Variants in CLYBL observed in about 807,000 individuals in gnomAD.
CLYBL encodes citramalyl-CoA lyase.
In CLYBL, 31 loss-of-function variants were observed where a neutral mutation model predicts 38.9. The ratio of observed to expected loss-of-function variants is 0.80; its 90% CI spans 0.60 to 1.08. The LOEUF (loss-of-function observed/expected upper bound fraction) is 1.08. Among genes scored for constraint, CLYBL ranks in the 50% least tolerant of loss-of-function variants. The pLI, the probability that CLYBL is intolerant of heterozygous loss-of-function variation, is 0.00. For synonymous variants in CLYBL, 171 were observed against 158.6 expected, an observed-to-expected ratio of 1.08 and a Z score of -0.59; for missense variants, 434 against 411.6, an observed-to-expected ratio of 1.05 and a Z score of -0.47.
At chr13:99,649,953 C>CA (rs1222385043) in intron 1 of CLYBL, among the ~76,000 whole-genome samples, 1 of 151,542 alleles carries the variant, frequency 6.6e-6, no homozygotes, top group Non-Finnish European at 1.5e-5. Flanking sequence ...CTCATCCCTA[C>CA]AAAAAATTTT....
At chr13:99,706,283 G>T (rs914399686) in intron 1 of CLYBL, among the ~76,000 whole-genome samples, 5 of 152,138 alleles carry the variant, frequency 3.3e-5, no homozygotes, top group Admixed American at 1.3e-4. Context: ...CACTGGGAAG[G>T]ATATAAAATG....
intron 1 of CLYBL, among the ~76,000 whole-genome samples, chr13:99,772,535 A>G (rs970247118): frequency 6.6e-6 from 1 of 151,984 alleles, no homozygotes; most frequent in Non-Finnish European, 1.5e-5. Context: ...CATCTCTACA[A>G]AAAATACAAA....
At chr13:99,800,488 A>G (rs1462554410) in intron 2 of CLYBL, among the ~76,000 whole-genome samples, 1 of 152,154 alleles carries the variant, frequency 6.6e-6, no homozygotes, top group Non-Finnish European at 1.5e-5. Context: ...TGTCCTGAGG[A>G]TACTGCTTGG....
intron 1 of CLYBL, among the ~76,000 whole-genome samples, chr13:99,662,970 A>G (rs117011173): frequency 6.6e-6 from 1 of 152,194 alleles, no homozygotes; most frequent in East Asian, 1.9e-4. Context: ...ATCTCAGGCT[A>G]GATGCAGGAC....
chr13:99,806,235 T>A (rs1445548192), intron 2 of CLYBL, among the ~76,000 whole-genome samples: 2 of 152,220 alleles, frequency 1.3e-5, no homozygotes, highest in African/African-American at 4.8e-5. Context: ...CAAAAGTGAT[T>A]TTTTGAAGAT....
At chr13:99,800,443 T>C (rs1457514126) in intron 2 of CLYBL, among the ~76,000 whole-genome samples, 1 of 152,196 alleles carries the variant, frequency 6.6e-6, no homozygotes, top group Non-Finnish European at 1.5e-5. Flanking sequence ...TGAAGCCACC[T>C]ACAGAAATCA....
intron 2 of CLYBL, among the ~76,000 whole-genome samples, chr13:99,855,635 C>T (rs1390283174): frequency 6.6e-6 from 1 of 151,242 alleles, no homozygotes; most frequent in African/African-American, 2.4e-5. Context: ...GAATTTCTTT[C>T]TTTTCACAAC....
intron 1 of CLYBL, among the ~76,000 whole-genome samples, chr13:99,743,008 C>T (rs2048782807): frequency 1.3e-5 from 2 of 151,408 alleles, no homozygotes; most frequent in Non-Finnish European, 2.9e-5. Flanking sequence ...AAGAGGGTAG[C>T]GGGCTTTTTG....
chr13:99,759,091 C>A (rs1012918408), intron 1 of CLYBL, among the ~76,000 whole-genome samples: 5 of 152,194 alleles, frequency 3.3e-5, no homozygotes, highest in Non-Finnish European at 7.3e-5. Context: ...CACTAAGGGG[C>A]ACCTTTTTCC....
chr13:99,707,761 T>C (rs1166565159), intron 1 of CLYBL, among the ~76,000 whole-genome samples: 1 of 152,212 alleles, frequency 6.6e-6, no homozygotes, highest in Non-Finnish European at 1.5e-5. Flanking sequence ...TTGCCCATAT[T>C]ATGCTTTTCC....
chr13:99,796,371 C>G (rs1344032417), intron 2 of CLYBL, among the ~76,000 whole-genome samples: 1 of 152,114 alleles, frequency 6.6e-6, no homozygotes, highest in African/African-American at 2.4e-5. Flanking sequence ...CAGCCTCTCC[C>G]CTTCCTAAGA....
chr13:99,874,617 A>G (rs986164739), intron 7 of CLYBL, among the ~76,000 whole-genome samples: 1 of 152,188 alleles, frequency 6.6e-6, no homozygotes, highest in Non-Finnish European at 1.5e-5. Flanking sequence ...ATCATCTAAT[A>G]TTGATATCAA....
At chr13:99,813,173 T>G (rs1031570072) in intron 2 of CLYBL, among the ~76,000 whole-genome samples, 3 of 152,224 alleles carry the variant, frequency 2.0e-5, no homozygotes, top group Non-Finnish European at 2.9e-5. Context: ...TGCCGTATTT[T>G]TTTCTAGATT....
At position 99,869,894 on chromosome 13, in the gene CLYBL, T is replaced by C. The variant is rs2139245774; in HGVS notation, c.803-1044T>C. ...AAAGAGCCAATTATGTTCATAACTT[T>C]ATCACGTAACAATATAATCTCATCA... On this transcript the variant is annotated intron_variant, in intron 6 of 8. Transcript: ENST00000339105. The surrounding 1 kb of genome is among the most constrained non-coding windows in gnomAD (Gnocchi z 4.3). 6.6e-6 allele frequency among the ~76,000 whole-genome samples: 1 copy of C among 152,258 alleles called. No individual in the cohort carries two copies. Among genetic ancestry groups the C allele is most frequent in the South Asian group, 2.1e-4 (1 of 4,826 alleles).
At chr13:99,671,209 A>G (rs993584271) in intron 1 of CLYBL, among the ~76,000 whole-genome samples, 2 of 150,788 alleles carry the variant, frequency 1.3e-5, no homozygotes, top group African/African-American at 4.9e-5. Context: ...CTTATCCTCA[A>G]CCCCCTGCCA....
At chr13:99,690,804 T>C (rs2047889754) in intron 1 of CLYBL, 1 of 152,094 alleles carries the variant, frequency 6.6e-6, no homozygotes, top group South Asian at 2.1e-4. Flanking sequence ...TTTTAAAAAA[T>C]CATTAATCAC....
chr13:99,659,003 C>T (rs2047370981), intron 1 of CLYBL, among the ~76,000 whole-genome samples: 1 of 152,120 alleles, frequency 6.6e-6, no homozygotes, highest in South Asian at 2.1e-4. Flanking sequence ...AGATTTTTCC[C>T]CCAGGGGCAA....
intron 1 of CLYBL, among the ~76,000 whole-genome samples, chr13:99,646,601 C>T (rs1034041072): frequency 6.7e-6 from 1 of 149,390 alleles, no homozygotes; most frequent in African/African-American, 2.5e-5. Context: ...GCAACCTCTG[C>T]CTCTTGGGTT....
At chr13:99,710,324 A>G (rs1370716021) in intron 1 of CLYBL, among the ~76,000 whole-genome samples, 1 of 152,192 alleles carries the variant, frequency 6.6e-6, no homozygotes, top group African/African-American at 2.4e-5. Flanking sequence ...GCAATGTCGC[A>G]AGGATGCATT....
Sources: allele counts gnomAD v4.1 joint callset (sites outside exome capture counted in the v4.1 genomes callset), GRCh38; gene constraint gnomAD v4.1.1; non-coding constraint Gnocchi (gnomAD v3.1); transcripts MANE v1.5; gene names NCBI Gene and HGNC (gene_info 2026-07-23, HGNC 2026-07-21).